Variants in TET2 observed in about 807,000 individuals in gnomAD.
The protein encoded by TET2 is methylcytosine dioxygenase TET2.
TET2 carries 299 observed loss-of-function variants against 142.9 expected under a neutral mutation model. That is an observed-to-expected ratio of 2.09 (90% CI 1.90 to 2.30). The LOEUF (loss-of-function observed/expected upper bound fraction) is 2.30. TET2 is among the 30% of genes most tolerant of loss of function. The pLI, the probability that TET2 is intolerant of heterozygous loss-of-function variation, is 0.00. For missense variants in TET2, 2,418 were observed against 2,378.0 expected (o/e 1.02, Z -0.35); for synonymous variants, 819 against 849.0 (o/e 0.96, Z 0.61).
rs1730317196 is a variant in TET2, at chr4:105,259,601, G to T, written c.3804-18G>T. On this transcript the variant is annotated intron_variant, in intron 6 of 10. Coordinates refer to ENST00000380013, the MANE Select transcript of TET2 (RefSeq NM_001127208.3). ...TAATGCTATCCATAGCAATGAATTT[G>T]GTCTTTTGATTTTTCAGGAGAACTT... The T allele has an allele frequency of 6.5e-7, 1 of 1,549,586 alleles. No homozygotes were observed.
intron 9 of TET2, 97 bp from the exon 10 acceptor site, chr4:105,272,467 C>A: frequency 1.2e-6 from 1 of 824,864 alleles, no homozygotes; most frequent in Non-Finnish European, 1.9e-6. Context: ...AGGCCACCAA[C>A]ACAAATCTGA....
chr4:105,226,914 T>C (rs1402985095), intron 2 of TET2, among the ~76,000 whole-genome samples: 6 of 152,202 alleles, frequency 3.9e-5, no homozygotes, highest in Non-Finnish European at 5.9e-5. Flanking sequence ...AAGCAAGATC[T>C]CTTTGTCCAG....
At chr4:105,195,128 T>G (rs1726008429) in intron 2 of TET2, among the ~76,000 whole-genome samples, 1 of 152,208 alleles carries the variant, frequency 6.6e-6, no homozygotes, top group South Asian at 2.1e-4. Flanking sequence ...CATGCTAAAA[T>G]AGACTGCACC....
At chr4:105,174,843 T>C (rs373868023) in intron 1 of TET2, among the ~76,000 whole-genome samples, 3 of 152,178 alleles carry the variant, frequency 2.0e-5, no homozygotes, top group African/African-American at 7.2e-5. Flanking sequence ...AGTGAAACTA[T>C]TTTACCAGAG....
chr4:105,193,755 C>A (rs1725921434), intron 2 of TET2, among the ~76,000 whole-genome samples: 1 of 152,126 alleles, frequency 6.6e-6, no homozygotes, highest in South Asian at 2.1e-4. Context: ...AGTTTGAATT[C>A]AGCATGAGTC....
chr4:105,237,849 A>T, intron 3 of TET2: 2 of 1,086,098 alleles, frequency 1.8e-6, no homozygotes, highest in Non-Finnish European at 2.3e-6. Flanking sequence ...GGGGGAAATG[A>T]TAATGCTGAC....
rs754856935 is a variant in TET2 at position 105,237,270 on chromosome 4, A to C, written c.3328A>C (p.Lys1110Gln). 1 of 1,614,152 alleles carries C rather than the reference A, an allele frequency of 6.2e-7. No individual in the cohort carries two copies. The highest frequency in any genetic ancestry group is 1.7e-5 in the Admixed American group (1 of 60,012). ...VLNNFIESPSKLLDTPIKNLL... is the reference protein window; with the variant it reads ...VLNNFIESPSQLLDTPIKNLL... ...CAATAATTTTATAGAGTCACCTTCC[A>C]AATTACTAGATACTCCTATAAAAAA... The change falls in exon 3 of 11, where the codon AAA becomes CAA. Residue 1110 changes from lysine (K) to glutamine (Q), a missense_variant. By Grantham distance (53) the Lys-to-Gln change is moderately conservative. Coordinates refer to ENST00000380013, the MANE Select transcript of TET2 (RefSeq NM_001127208.3).
intron 2 of TET2, among the ~76,000 whole-genome samples, chr4:105,223,502 C>G (rs1271042125): frequency 1.3e-5 from 2 of 151,898 alleles, no homozygotes; most frequent in African/African-American, 4.8e-5. Context: ...TAAAGTCAAA[C>G]GAAATGGAGA....
intron 8 of TET2, among the ~76,000 whole-genome samples, chr4:105,265,300 ACACAAACAGC>A (rs1422064686): frequency 3.9e-5 from 6 of 152,220 alleles, no homozygotes; most frequent in Non-Finnish European, 7.3e-5. Context: ...GTAAAAATTA[ACACAAACAGC>A]CACATGTGGA....
Position 105,237,184 on chromosome 4 carries a change from T to TA in TET2, c.3243dup (p.Glu1082ArgfsTer22). The TA allele has an allele frequency of 6.2e-7, 1 of 1,614,152 alleles. No individual in the cohort carries two copies. The highest frequency in any genetic ancestry group is 8.5e-7 in the Non-Finnish European group (1 of 1,180,032). ...GAACTTGATAGCCACACCCCAGCTT[T>TA]AGAGCAGCAAACAACTTCTTCAGAA... On this transcript the variant is annotated frameshift_variant, in exon 3 of 11. Coordinates refer to ENST00000380013, the MANE Select transcript of TET2 (RefSeq NM_001127208.3). LOFTEE classifies it high-confidence loss of function.
chr4:105,269,609 G>A lies in TET2; in HGVS notation c.4045-1G>A, dbSNP rs1193684921. The stretch of plus-strand genomic sequence containing the variant: ...CATTCACACACACTTTTATTTTTCA[G>A]ATTGAATATGAACACAGAGCACCAG... On this transcript the variant is annotated splice_acceptor_variant, in intron 8 of 10. Coordinates refer to ENST00000380013, the MANE Select transcript of TET2 (RefSeq NM_001127208.3). LOFTEE classifies it high-confidence loss of function. 2 of 1,551,280 alleles carry A rather than the reference G, an allele frequency of 1.3e-6. No homozygotes were observed. The highest frequency in any genetic ancestry group is 1.7e-6 in the Non-Finnish European group (2 of 1,146,732).
At chr4:105,180,742 C>T (rs189266276) in intron 1 of TET2, among the ~76,000 whole-genome samples, 4 of 151,926 alleles carry the variant, frequency 2.6e-5, no homozygotes, top group African/African-American at 4.8e-5. Flanking sequence ...TGAGTTCAAG[C>T]GATTCTCCTG....
Position 105,234,827 on chromosome 4 carries a change from C to G in TET2, c.885C>G (p.Ala295=), listed in dbSNP as rs1272127118. 6.2e-7 allele frequency: 1 copy of G among 1,613,964 alleles called. No homozygotes were observed. The highest frequency in any genetic ancestry group is 8.5e-7 in the Non-Finnish European group (1 of 1,179,984). ...PPKPAAVVSE[A]CDADDADNAS... The stretch of plus-strand genomic sequence containing the variant: ...AGCCAGCTGCAGTGGTGAGTGAGGC[C>G]TGTGATGCTGATGATGCTGATAATG... The change falls in exon 3 of 11, where the codon GCC becomes GCG. Residue 295 remains alanine, a synonymous_variant. Transcript: ENST00000380013.
At chr4:105,243,143 G>C (rs556318166) in intron 5 of TET2, among the ~76,000 whole-genome samples, 1 of 152,150 alleles carries the variant, frequency 6.6e-6, no homozygotes. Flanking sequence ...ATGAGGAAGA[G>C]GTCCATTCTA....
rs756732317 is a variant in TET2, at chr4:105,234,826, C to G, written c.884C>G (p.Ala295Gly). 2 of 1,613,776 alleles carry G rather than the reference C, an allele frequency of 1.2e-6. No individual in the cohort carries two copies. Among genetic ancestry groups the G allele is most frequent in the East Asian group, 4.5e-5 (2 of 44,826 alleles). Residue 295 changes from alanine to glycine, a missense_variant, in exon 3 of 11, where the codon GCC becomes GGC. Ala to Gly is a moderately conservative substitution (Grantham distance 60, BLOSUM62 0). Coordinates refer to ENST00000380013, the MANE Select transcript of TET2 (RefSeq NM_001127208.3). ...AAGCCAGCTGCAGTGGTGAGTGAGGCCTGTGATGCTGATGATGCTGATAAT... is the reference window on the plus strand; with the variant it reads ...AAGCCAGCTGCAGTGGTGAGTGAGGGCTGTGATGCTGATGATGCTGATAAT... ...PPKPAAVVSE[A>G]CDADDADNAS...
chr4:105,236,847 C>G lies in TET2; in HGVS notation c.2905C>G (p.Gln969Glu), dbSNP rs764399725. The change falls in exon 3 of 11, where the codon CAA becomes GAA. Residue 969 changes from glutamine to glutamate, a missense_variant. Physicochemically the swap from Gln to Glu is conservative, Grantham distance 29. Coordinates refer to ENST00000380013, the MANE Select transcript of TET2 (RefSeq NM_001127208.3). ...KQEQQQTQQP[Q>E]TESCHSQMHR... ...AGAACAGCAGCAAACACAGCAACCC[C>G]AAACTGAGTCTTGCCATAGTCAGAT... 6.2e-7 allele frequency: 1 copy of G among 1,614,134 alleles called. No individual in the cohort carries two copies.
intron 8 of TET2, among the ~76,000 whole-genome samples, chr4:105,266,445 G>A (rs988076175): frequency 6.6e-6 from 1 of 151,910 alleles, no homozygotes; most frequent in African/African-American, 2.4e-5. Flanking sequence ...CCTTTACTGG[G>A]GAACAGGCAG....
rs1560544079 is a variant in TET2 at position 105,235,696 on chromosome 4, C to G, written c.1754C>G (p.Ser585Ter). 1 of 1,614,164 alleles carries G rather than the reference C, an allele frequency of 6.2e-7. No individual in the cohort carries two copies. The highest frequency in any genetic ancestry group is 8.5e-7 in the Non-Finnish European group (1 of 1,180,010). ...TCCCATCTAAAACGTAATGAGGCAT[C>G]ACTGCCATCAATTCTTCAGTATCAA... ...AESHLKRNEA[S>*]LPSILQYQPN... Residue 585 changes from serine (S) to a stop codon, truncating the protein, a stop_gained, in exon 3 of 11, where the codon TCA becomes TGA. Transcript: ENST00000380013. LOFTEE classifies it high-confidence loss of function.
At chr4:105,196,599 G>A (rs1042915675) in intron 2 of TET2, among the ~76,000 whole-genome samples, 4 of 152,032 alleles carry the variant, frequency 2.6e-5, no homozygotes, top group South Asian at 2.1e-4. Context: ...CCGTGACATC[G>A]TATTTTACAC....
Sources: gnomAD v4.1 joint callset for allele counts (sites outside exome capture counted in the v4.1 genomes callset) on GRCh38, gnomAD v4.1.1 for gene constraint, MANE v1.5 for transcripts, NCBI Gene and HGNC (gene_info 2026-07-23, HGNC 2026-07-21) for gene names.